SLC36A1: variants seen among roughly 807,000 people sequenced by gnomAD.
SLC36A1 encodes solute carrier family 36 member 1, also known as proton-coupled amino acid transporter 1.
A neutral mutation model predicts 47.5 loss-of-function variants in SLC36A1; 30 were observed. The observed-to-expected ratio is 0.63, with a 90% CI of 0.47 to 0.86. The LOEUF is 0.86. Among genes scored for constraint, SLC36A1 ranks in the 40% least tolerant of loss-of-function variants. The pLI, the probability that SLC36A1 is intolerant of heterozygous loss-of-function variation, is 0.00. For missense variants in SLC36A1, 517 were observed against 606.0 expected, an observed-to-expected ratio of 0.85 and a Z score of 1.54; for synonymous variants, 255 against 249.7, an observed-to-expected ratio of 1.02 and a Z score of -0.20.
chr5:151,553,091 G>C, the SLC36A1 span: 1 of 1,382,368 alleles, frequency 7.2e-7, no homozygotes, highest in South Asian at 1.2e-5. Flanking sequence ...CTTGAGAAGA[G>C]TCAGAAGGAC....
At chr5:151,517,687 T>G in the SLC36A1 span, 1 of 1,614,016 alleles carries the variant, frequency 6.2e-7, no homozygotes, top group South Asian at 1.1e-5. Context: ...TGTTTTCAGA[T>G]AGAAATGGAT....
the SLC36A1 span, among the ~76,000 whole-genome samples, chr5:151,396,347 C>T: frequency 1.3e-5 from 2 of 151,840 alleles, no homozygotes; most frequent in Admixed American, 6.6e-5. Flanking sequence ...GTGATCCACC[C>T]GTCTCGGCCT....
the SLC36A1 span, among the ~76,000 whole-genome samples, chr5:151,431,542 T>A: frequency 5.6e-3 from 847 of 152,190 alleles, 7 homozygotes; most frequent in African/African-American, 0.019. Flanking sequence ...CTCCCACAAT[T>A]CCCATGTGTT....
chr5:151,475,244 G>T (rs1757885831), intron 8 of SLC36A1, among the ~76,000 whole-genome samples: 2 of 152,208 alleles, frequency 1.3e-5, no homozygotes, highest in Admixed American at 6.5e-5. Flanking sequence ...GTGGAAAGAT[G>T]CCCAGAGACC....
chr5:151,510,631 C>G, the SLC36A1 span: 5,278 of 153,618 alleles, frequency 0.034, 296 homozygotes, highest in African/African-American at 0.12. Context: ...GGGTTCAAAC[C>G]TAGACAGCTA....
upstream of SLC36A1, among the ~76,000 whole-genome samples, chr5:151,444,260 A>G (rs947992076): frequency 6.6e-6 from 1 of 152,170 alleles, no homozygotes; most frequent in African/African-American, 2.4e-5. Flanking sequence ...TTTGGATAGT[A>G]TGGACATTTC....
At chr5:151,458,208 G>A (rs529280083) in intron 1 of SLC36A1, among the ~76,000 whole-genome samples, 10 of 148,470 alleles carry the variant, frequency 6.7e-5, no homozygotes, top group South Asian at 2.2e-4. Flanking sequence ...AAGAGTATAC[G>A]ATGAGAAATA....
chr5:151,381,037 G>C, the SLC36A1 span: 1 of 405,906 alleles, frequency 2.5e-6, no homozygotes, highest in Non-Finnish European at 4.9e-6. Context: ...AGAGGCGGGA[G>C]GTGTCAGTGG....
chr5:151,506,806 C>T, the SLC36A1 span, among the ~76,000 whole-genome samples: 1 of 152,238 alleles, frequency 6.6e-6, no homozygotes, highest in South Asian at 2.1e-4. Context: ...CAACCAGAAG[C>T]TTAGACCACT....
intron 1 of SLC36A1, among the ~76,000 whole-genome samples, chr5:151,458,316 A>G (rs1387283899): frequency 0.01 from 668 of 65,020 alleles, 14 homozygotes; most frequent in African/African-American, 0.035. Context: ...ATATACGTAT[A>G]TATATATATA....
chr5:151,441,439 A>G (rs1752626105), intron 1 of SLC36A1, among the ~76,000 whole-genome samples: 1 of 152,246 alleles, frequency 6.6e-6, no homozygotes, highest in South Asian at 2.1e-4. Flanking sequence ...AGTTCTGCAC[A>G]TATTGAAAGT....
chr5:151,399,224 T>A, the SLC36A1 span, among the ~76,000 whole-genome samples: 41 of 151,470 alleles, frequency 2.7e-4, 1 homozygote, highest in Admixed American at 2.7e-3. Context: ...GTAGATGGGA[T>A]TACAGATGTG....
downstream of SLC36A1, among the ~76,000 whole-genome samples, chr5:151,496,058 A>G (rs1212546059): frequency 1.3e-5 from 2 of 152,186 alleles, no homozygotes; most frequent in African/African-American, 4.8e-5. Context: ...GTATGGTGAT[A>G]TGGTTTGACT....
At chr5:151,531,708 G>A in the SLC36A1 span, 71 of 1,613,746 alleles carry the variant, frequency 4.4e-5, no homozygotes, top group East Asian at 1.8e-4. This position sits in a 1 kb window ranked among gnomAD's most constrained non-coding sequence, Gnocchi z 5.7. Flanking sequence ...CAGGTGGGGC[G>A]TCCTCGGGCA....
chr5:151,453,333 A>G (rs1266229677), intron 1 of SLC36A1, among the ~76,000 whole-genome samples: 2 of 152,056 alleles, frequency 1.3e-5, no homozygotes, highest in Non-Finnish European at 2.9e-5. Flanking sequence ...TATCCCAGAT[A>G]TTATCATTGC....
the SLC36A1 span, chr5:151,512,112 T>G: frequency 6.5e-7 from 1 of 1,547,720 alleles, no homozygotes; most frequent in Non-Finnish European, 8.8e-7. The surrounding 1 kb of genome is among the most constrained non-coding windows in gnomAD (Gnocchi z 4.1). Context: ...TTTTCCCACC[T>G]GAAGAGCCTT....
At chr5:151,499,477 T>C in the SLC36A1 span, among the ~76,000 whole-genome samples, 1 of 152,246 alleles carries the variant, frequency 6.6e-6, no homozygotes, top group Non-Finnish European at 1.5e-5. Flanking sequence ...CTTAAAACTC[T>C]ACCTGCTGGG....
chr5:151,529,751 A>G, the SLC36A1 span, among the ~76,000 whole-genome samples: 1 of 152,342 alleles, frequency 6.6e-6, no homozygotes, highest in Middle Eastern at 3.4e-3. Context: ...ATTGACCTAG[A>G]TGCTCTAATA....
the SLC36A1 span, among the ~76,000 whole-genome samples, chr5:151,405,983 T>A: frequency 3.3e-5 from 5 of 152,202 alleles, no homozygotes; most frequent in African/African-American, 1.2e-4. Context: ...AGGCTGTTAC[T>A]CAACTGCATG....
Sources: allele counts gnomAD v4.1 joint callset (sites outside exome capture counted in the v4.1 genomes callset), GRCh38; gene constraint gnomAD v4.1.1; non-coding constraint Gnocchi (gnomAD v3.1); transcripts MANE v1.5; gene names NCBI Gene and HGNC (gene_info 2026-07-23, HGNC 2026-07-21).